The following DBNL variants were observed in gnomAD, a reference collection of about 807,000 sequenced individuals.
The protein encoded by DBNL is drebrin like.
In DBNL, 35 loss-of-function variants were observed where a neutral mutation model predicts 62.2. That is an observed-to-expected ratio of 0.56 (90% CI 0.43 to 0.75). DBNL has a LOEUF of 0.75. Among genes scored for constraint, DBNL ranks in the 30% least tolerant of loss-of-function variants. The pLI is 0.00. For missense variants in DBNL, 495 were observed against 578.4 expected (o/e 0.86, Z 1.48); for synonymous variants, 197 against 218.0 (o/e 0.90, Z 0.85).
At chr7:44,058,730 T>C (rs2096141921) in intron 8 of DBNL, 172 bp from the exon 9 acceptor site, 1 of 860,468 alleles carries the variant, frequency 1.2e-6, no homozygotes. Context: ...TACTTCCTTT[T>C]TTAACGTTAC....
At chr7:44,050,037 A>G (rs111653092) in intron 1 of DBNL, 188 bp from the exon 2 acceptor site, 9 of 564,198 alleles carry the variant, frequency 1.6e-5, no homozygotes, top group African/African-American at 7.6e-5. Flanking sequence ...AGAGCTGAGA[A>G]GGCTGCACAG....
chr7:44,044,820 G>A lies in DBNL; in HGVS notation c.83G>A (p.Trp28Ter). Residue 28 changes from tryptophan to a stop codon, truncating the protein, a stop_gained and splice_region_variant, in exon 1 of 13, where the codon TGG becomes TAG. Transcript: ENST00000448521. LOFTEE classifies it high-confidence loss of function. The part of the protein sequence containing the change: ...RVVTEKSPTD[W>*]ALFTYEGNSN... ...GTCACCGAGAAGTCCCCGACCGACT[G>A]GTGGGCGGCGAGACGGGCCAGGGTC... is the stretch of plus-strand genomic sequence containing the variant. 1.4e-6 allele frequency: 2 copies of A among 1,473,764 alleles called. No individual in the cohort carries two copies. The highest frequency in any genetic ancestry group is 1.8e-6 in the Non-Finnish European group (2 of 1,111,038). 91.3% of individuals were successfully genotyped at this position (1,473,764 alleles called of 1,614,324 possible).
chr7:44,050,056 T>C (rs2096123886), intron 1 of DBNL, 169 bp from the exon 2 acceptor site: 5 of 630,650 alleles, frequency 7.9e-6, no homozygotes, highest in Middle Eastern at 4.0e-4. Context: ...AGTTGCCTAC[T>C]GAGAACCTGC....
intron 1 of DBNL, among the ~76,000 whole-genome samples, chr7:44,047,910 C>CTTT (rs5883883): frequency 1.0e-4 from 7 of 69,808 alleles, no homozygotes; most frequent in African/African-American, 1.7e-4. Flanking sequence ...TGCTGAGTCC[C>CTTT]TTTTTTTTTT....
At position 44,062,336 on chromosome 7, in the gene DBNL, ACCC is replaced by A. The variant is rs2096150778; in HGVS notation, c.*1421_*1423del. 8.8e-6 allele frequency: 2 copies of A among 228,092 alleles called. No homozygotes were observed. The highest frequency in any genetic ancestry group is 1.2e-4 in the South Asian group (2 of 16,224). The allele number at this position is 228,092 out of a possible 1,614,324, so 14.1% of individuals were successfully genotyped here. A position where few individuals can be genotyped will look rare whatever the true frequency, so the allele number is the denominator to read the frequency against. On this transcript the variant is annotated 3_prime_UTR_variant, in exon 13 of 13. Coordinates refer to ENST00000448521, the MANE Select transcript of DBNL (RefSeq NM_001014436.3). ...CCCAAGAGGCAGGGCTCAAAGTGCCACCCGGGGGTTGCAAGGACAGCAGAGGAC... is the reference window on the plus strand; with the variant it reads ...CCCAAGAGGCAGGGCTCAAAGTGCCAGGGGGTTGCAAGGACAGCAGAGGAC...
In DBNL at chr7:44,066,591, G is replaced by A. The variant is rs920964692; in HGVS notation, c.*5675G>A. On this transcript the variant is annotated 3_prime_UTR_variant, in exon 13 of 13. Coordinates refer to ENST00000448521, the MANE Select transcript of DBNL (RefSeq NM_001014436.3). ...CTGCGACACTTCTGATAACAGGAGC[G>A]GGTAGGTGAGAGGCCAGCAGAGGGA... The A allele has an allele frequency of 3.3e-5, 5 of 152,304 alleles. No homozygotes were observed. The highest frequency in any genetic ancestry group is 4.8e-5 in the African/African-American group (2 of 41,468). 9.4% of individuals were successfully genotyped at this position (152,304 alleles called of 1,614,324 possible).
Position 44,055,360 on chromosome 7 carries a change from C to T in DBNL, c.328-1397C>T, listed in dbSNP as rs533787824. Among the ~76,000 whole-genome samples the T allele has an allele frequency of 2.0e-5, 3 of 152,126 alleles. No homozygotes were observed. The East Asian group carries it at 5.8e-4, about 29-fold the overall frequency. ...GCGGGCACCTGTAATCCCAGCTACTCAGGAAGCTGAGGCAGAGAATCTCTT... is the reference window on the plus strand; with the variant it reads ...GCGGGCACCTGTAATCCCAGCTACTTAGGAAGCTGAGGCAGAGAATCTCTT... On this transcript the variant is annotated intron_variant, in intron 4 of 12. Transcript: ENST00000448521.
chr7:44,047,544 A>T (rs1032363914), intron 1 of DBNL, among the ~76,000 whole-genome samples: 4 of 152,150 alleles, frequency 2.6e-5, no homozygotes, highest in African/African-American at 7.2e-5. Flanking sequence ...ATAGTACGTT[A>T]GTGTTAGGTG....
rs1435097548 is a variant in DBNL at position 44,069,029 on chromosome 7, T to G, written c.*8113T>G. 1 of 151,146 alleles carries G rather than the reference T, an allele frequency of 6.6e-6. No individual in the cohort carries two copies. Among genetic ancestry groups the G allele is most frequent in the Non-Finnish European group, 1.5e-5 (1 of 67,910 alleles). 9.4% of individuals were successfully genotyped at this position (151,146 alleles called of 1,614,324 possible). ...TGAAATAACTGTCACCCAAGAATTC[T>G]ATATCCAGTAAAAATTTCTATTTTA... On this transcript the variant is annotated 3_prime_UTR_variant, in exon 13 of 13. Coordinates refer to ENST00000448521, the MANE Select transcript of DBNL (RefSeq NM_001014436.3).
In DBNL at chr7:44,064,715, G is replaced by T. The variant is rs1310594300; in HGVS notation, c.*3799G>T. The T allele has an allele frequency of 4.0e-5, 36 of 897,342 alleles. No homozygotes were observed. The highest frequency in any genetic ancestry group is 5.6e-5 in the Non-Finnish European group (32 of 575,900). The allele number at this position is 897,342 out of a possible 1,614,324, so 55.6% of individuals were successfully genotyped here. On this transcript the variant is annotated 3_prime_UTR_variant, in exon 13 of 13. Transcript: ENST00000448521. ...TCTCAGCCCTCCTTTTTCAGTGAAT[G>T]ATGTGGAGCCCCACGCCTAGAAAGC...
In DBNL at chr7:44,062,927, A is replaced by G. The variant is rs1323154683; in HGVS notation, c.*2011A>G. 1.2e-6 allele frequency: 2 copies of G among 1,614,140 alleles called. No homozygotes were observed. Among genetic ancestry groups the G allele is most frequent in the East Asian group, 4.5e-5 (2 of 44,882 alleles). ...CAGCTCCATGATCGCCTGGTCTGAC[A>G]TCCCTATGCCGGAAGGAATAGGTGT... is the stretch of plus-strand genomic sequence containing the variant. On this transcript the variant is annotated 3_prime_UTR_variant, in exon 13 of 13. Coordinates refer to ENST00000448521, the MANE Select transcript of DBNL (RefSeq NM_001014436.3).
rs1562658234 is a variant in DBNL at position 44,060,998 on chromosome 7, G to T, written c.*82G>T. The T allele has an allele frequency of 3.2e-5, 49 of 1,529,446 alleles. 1 individual carries two copies. The East Asian group carries it at 1.1e-3, about 34-fold the overall frequency. The allele number at this position is 1,529,446 out of a possible 1,614,324, so 94.7% of individuals were successfully genotyped here. A position where few individuals can be genotyped will look rare whatever the true frequency, so the allele number is the denominator to read the frequency against. ...GAGGAGGCCTGGGAGTTGACATTCA[G>T]CACTCTTCCAGGAATAGGACCCCCA... On this transcript the variant is annotated 3_prime_UTR_variant, in exon 13 of 13. Transcript: ENST00000448521. This position sits in a 1 kb window ranked among gnomAD's most constrained non-coding sequence, Gnocchi z 6.3.
chr7:44,060,647 G>T lies in DBNL; in HGVS notation c.1154-130G>T. ...GGCCAAGGCTTAGCAGGGTGGCAGG[G>T]ATATTTCTGAGGAGGAACCAGAGCT... On this transcript the variant is annotated intron_variant, in intron 12 of 12. Coordinates refer to ENST00000448521, the MANE Select transcript of DBNL (RefSeq NM_001014436.3). The surrounding 1 kb of genome is among the most constrained non-coding windows in gnomAD (Gnocchi z 6.3). 7.4e-7 allele frequency: 1 copy of T among 1,351,018 alleles called. No homozygotes were observed. The allele number at this position is 1,351,018 out of a possible 1,614,324, so 83.7% of individuals were successfully genotyped here.
At chr7:44,057,984 G>C in intron 6 of DBNL, 125 bp downstream of exon 6, 1 of 1,531,670 alleles carries the variant, frequency 6.5e-7, no homozygotes, top group Non-Finnish European at 8.8e-7. Context: ...TGGTCACACT[G>C]AGGCTCGGGT....
chr7:44,064,463 C>T lies in DBNL; in HGVS notation c.*3547C>T. 3.0e-6 allele frequency: 1 copy of T among 331,400 alleles called. No individual in the cohort carries two copies. The highest frequency in any genetic ancestry group is 5.8e-6 in the Non-Finnish European group (1 of 172,698). 20.5% of individuals were successfully genotyped at this position (331,400 alleles called of 1,614,324 possible). On this transcript the variant is annotated 3_prime_UTR_variant, in exon 13 of 13. Coordinates refer to ENST00000448521, the MANE Select transcript of DBNL (RefSeq NM_001014436.3). ...CCCACCACCCCGGAAAAGGGAGAGG[C>T]CCAGAGATGGAGGTGGCTTGTCCAG...
rs4582459 is a variant in DBNL, at chr7:44,059,266, C to T, written c.836-88C>T. ...AAGAGCAAGCCCCATGAGACTGCCT[C>T]GAGCACACCAGGGTGGAGGGTGCTG... On this transcript the variant is annotated intron_variant, in intron 9 of 12. Transcript: ENST00000448521. The surrounding 1 kb of genome is among the most constrained non-coding windows in gnomAD (Gnocchi z 4.1). The T allele has an allele frequency of 0.06, 81,238 of 1,363,734 alleles. 2,757 individuals are homozygous for T. The highest frequency in any genetic ancestry group is 0.066 in the Non-Finnish European group (65,191 of 981,508). 84.5% of individuals were successfully genotyped at this position (1,363,734 alleles called of 1,614,324 possible).
intron 6 of DBNL, 81 bp from the exon 7 acceptor site, chr7:44,058,048 T>C (rs1457626684): frequency 8.8e-5 from 134 of 1,528,016 alleles, no homozygotes; most frequent in Non-Finnish European, 1.1e-4. Flanking sequence ...TCTTTGGCCA[T>C]GTGCCTAAAA....
Position 44,060,078 on chromosome 7 carries a change from A to G in DBNL, c.1078A>G (p.Ile360Val). The part of the protein sequence containing the change: ...VQQQGAGSEH[I>V]DHHIQGQGLS... ...GCAGCAAGGTGCTGGCTCTGAGCAC[A>G]TTGACCACCACATTCAGGGCCAGGG... is the stretch of plus-strand genomic sequence containing the variant. The change falls in exon 12 of 13, where the codon ATT becomes GTT. Residue 360 changes from isoleucine to valine, a missense_variant. Transcript: ENST00000448521. The surrounding 1 kb of genome is among the most constrained non-coding windows in gnomAD (Gnocchi z 6.3). The G allele has an allele frequency of 6.2e-7, 1 of 1,613,696 alleles. No individual in the cohort carries two copies. The highest frequency in any genetic ancestry group is 8.5e-7 in the Non-Finnish European group (1 of 1,179,880).
Position 44,052,716 on chromosome 7 carries a change from C to G in DBNL, c.253-151C>G, listed in dbSNP as rs950299794. 7.9e-6 allele frequency: 7 copies of G among 889,754 alleles called. No homozygotes were observed. In the African/African-American group the frequency reaches 1.2e-4, roughly 15 times the overall value. The allele number at this position is 889,754 out of a possible 1,614,324, so 55.1% of individuals were successfully genotyped here. A position where few individuals can be genotyped will look rare whatever the true frequency, so the allele number is the denominator to read the frequency against. On this transcript the variant is annotated intron_variant, in intron 3 of 12. Transcript: ENST00000448521. The stretch of plus-strand genomic sequence containing the variant: ...AGCCCCTTGGAGGCATGGGAACTTA[C>G]CTCACCCATGTGATGCAGTCAGAAG...
Sources: gnomAD v4.1 joint callset for allele counts (sites outside exome capture counted in the v4.1 genomes callset) on GRCh38, gnomAD v4.1.1 for gene constraint, Gnocchi (gnomAD v3.1) non-coding constraint, MANE v1.5 for transcripts, NCBI Gene and HGNC (gene_info 2026-07-23, HGNC 2026-07-21) for gene names.